SULT1B1: variants seen among roughly 807,000 people sequenced by gnomAD.
SULT1B1 encodes sulfotransferase family 1B member 1, also known as sulfotransferase 1B1.
SULT1B1 carries 28 observed loss-of-function variants against 34.6 expected under a neutral mutation model. The ratio of observed to expected loss-of-function variants is 0.81; its 90% CI spans 0.60 to 1.11. The LOEUF (loss-of-function observed/expected upper bound fraction) is 1.11. Ranked by LOEUF, SULT1B1 falls within the 50% of genes least tolerant of loss-of-function variation. The pLI is 0.00. For missense variants in SULT1B1, 374 were observed against 352.2 expected, an observed-to-expected ratio of 1.06 and a Z score of -0.50; for synonymous variants, 147 against 110.2, an observed-to-expected ratio of 1.33 and a Z score of -2.09.
At chr4:69,748,987 A>G (rs1398958477) in intron 4 of SULT1B1, among the ~76,000 whole-genome samples, 1 of 152,116 alleles carries the variant, frequency 6.6e-6, no homozygotes, top group East Asian at 1.9e-4. Flanking sequence ...AAGTAAGTAG[A>G]TGGAGAGAAA....
intron 1 of SULT1B1, among the ~76,000 whole-genome samples, chr4:69,759,312 G>C (rs1302866875): frequency 6.6e-6 from 1 of 152,178 alleles, no homozygotes; most frequent in African/African-American, 2.4e-5. Context: ...AAAATTTACC[G>C]TAGGCCCAAC....
intron 5 of SULT1B1, 35 bp downstream of exon 5, chr4:69,734,099 TAAAA>T: frequency 6.8e-7 from 1 of 1,465,018 alleles, no homozygotes. Flanking sequence ...ATTATTAAAA[TAAAA>T]AATACTTATC....
At position 69,725,278 on chromosome 4, in the gene SULT1B1, C is replaced by T. The variant is rs1403818460; in HGVS notation, c.*1810G>A. 6.6e-6 allele frequency: 1 copy of T among 152,104 alleles called. No individual in the cohort carries two copies. The highest frequency in any genetic ancestry group is 1.5e-5 in the Non-Finnish European group (1 of 68,026). The allele number at this position is 152,104 out of a possible 1,614,324, so 9.4% of individuals were successfully genotyped here. On this transcript the variant is annotated 3_prime_UTR_variant, in exon 8 of 8. Transcript: ENST00000310613. ...AACAGACACATGAAAAAATGCTCAT[C>T]ATCACTGGCCATCAGGGAAATGCAA... is the stretch of plus-strand genomic sequence containing the variant.
At chr4:69,731,577 T>C (rs951006719) in intron 6 of SULT1B1, among the ~76,000 whole-genome samples, 3 of 152,236 alleles carry the variant, frequency 2.0e-5, no homozygotes, top group African/African-American at 7.2e-5. Context: ...CATAAACATG[T>C]TGTAAATTAC....
Position 69,726,061 on chromosome 4 carries a change from T to C in SULT1B1, c.*1027A>G, listed in dbSNP as rs1426572766. On this transcript the variant is annotated 3_prime_UTR_variant, in exon 8 of 8. Transcript: ENST00000310613. ...ATATATATATATATATATATATATATATATATATATATATATATATAAATG... is the reference window on the plus strand; with the variant it reads ...ATATATATATATATATATATATATACATATATATATATATATATATAAATG... The C allele has an allele frequency of 1.0e-5, 1 of 98,368 alleles. No homozygotes were observed. Among genetic ancestry groups the C allele is most frequent in the Non-Finnish European group, 2.1e-5 (1 of 48,364 alleles). 6.1% of individuals were successfully genotyped at this position (98,368 alleles called of 1,614,324 possible). A position where few individuals can be genotyped will look rare whatever the true frequency, so the allele number is the denominator to read the frequency against.
In SULT1B1 at chr4:69,733,428, A is replaced by G. The variant is rs761820890; in HGVS notation, c.582T>C (p.Tyr194=). 1 of 1,605,328 alleles carries G rather than the reference A, an allele frequency of 6.2e-7. No individual in the cohort carries two copies. Among genetic ancestry groups the G allele is most frequent in the South Asian group, 1.1e-5 (1 of 89,528 alleles). The change falls in exon 6 of 8, where the codon TAT becomes TAC. Residue 194 remains tyrosine (Y), a synonymous_variant. Coordinates refer to ENST00000310613, the MANE Select transcript of SULT1B1 (RefSeq NM_014465.4). ...ACCATTTTACCTCTTTCATATCTTC[A>G]TAGTACAAAAAAAGTATTGGGTGTT... ...KEEHPILFLY[Y]EDMKENPKEE...
At position 69,725,359 on chromosome 4, in the gene SULT1B1, A is replaced by C. The variant is rs1252749791; in HGVS notation, c.*1729T>G. The C allele has an allele frequency of 6.6e-6, 1 of 152,220 alleles. No homozygotes were observed. The highest frequency in any genetic ancestry group is 2.4e-5 in the African/African-American group (1 of 41,452). The allele number at this position is 152,220 out of a possible 1,614,324, so 9.4% of individuals were successfully genotyped here. On this transcript the variant is annotated 3_prime_UTR_variant, in exon 8 of 8. Coordinates refer to ENST00000310613, the MANE Select transcript of SULT1B1 (RefSeq NM_014465.4). ...CCAGTTAGAATGGCAATCATTAAAA[A>C]GTCAGGAAACAACAGGTGCTGGAAA...
intron 1 of SULT1B1, among the ~76,000 whole-genome samples, chr4:69,758,970 T>C (rs938782571): frequency 6.6e-6 from 1 of 152,198 alleles, no homozygotes; most frequent in Non-Finnish European, 1.5e-5. Flanking sequence ...AGAATCAGAA[T>C]CTACATTTTA....
intron 4 of SULT1B1, 21 bp from the exon 5 acceptor site, chr4:69,734,285 A>T: frequency 6.3e-7 from 1 of 1,599,992 alleles, no homozygotes; most frequent in Non-Finnish European, 8.5e-7. Context: ...GGGTGGGGGT[A>T]GGAGAAAAAA....
chr4:69,724,239 A>C lies in SULT1B1; in HGVS notation c.*2849T>G, dbSNP rs1258903414. On this transcript the variant is annotated 3_prime_UTR_variant, in exon 8 of 8. Coordinates refer to ENST00000310613, the MANE Select transcript of SULT1B1 (RefSeq NM_014465.4). ...ATTCTTATACACCAATAACAGACAG[A>C]GAGCCAAATCAGGAGTGAACTCCCA... 6.6e-6 allele frequency: 1 copy of C among 152,240 alleles called. No homozygotes were observed. The highest frequency in any genetic ancestry group is 6.5e-5 in the Admixed American group (1 of 15,286). The allele number at this position is 152,240 out of a possible 1,614,324, so 9.4% of individuals were successfully genotyped here.
rs1324665100 is a variant in SULT1B1 at position 69,722,021 on chromosome 4, T to C, written c.*5067A>G. On this transcript the variant is annotated 3_prime_UTR_variant, in exon 8 of 8. Transcript: ENST00000310613. The stretch of plus-strand genomic sequence containing the variant: ...CTGATTGATTTCAAAGGGTATCAAA[T>C]GTATTTGAATCATAGAAGTGCCACT... 1 of 152,124 alleles carries C rather than the reference T, an allele frequency of 6.6e-6. No individual in the cohort carries two copies. Among genetic ancestry groups the C allele is most frequent in the East Asian group, 1.9e-4 (1 of 5,192 alleles). 9.4% of individuals were successfully genotyped at this position (152,124 alleles called of 1,614,324 possible).
rs1454109038 is a variant in SULT1B1 at position 69,755,249 on chromosome 4, A to T, written c.-32T>A. 6.3e-7 allele frequency: 1 copy of T among 1,599,776 alleles called. No individual in the cohort carries two copies. Among genetic ancestry groups the T allele is most frequent in the Admixed American group, 1.7e-5 (1 of 59,664 alleles). On this transcript the variant is annotated 5_prime_UTR_variant, in exon 2 of 8. Coordinates refer to ENST00000310613, the MANE Select transcript of SULT1B1 (RefSeq NM_014465.4). Reference sequence around the variant, plus strand: ...ACCAGATTGTACAAATATATAATAGATTGACAGTTGTTCTGGAGAAATATA... The same window carrying T: ...ACCAGATTGTACAAATATATAATAGTTTGACAGTTGTTCTGGAGAAATATA...
Position 69,730,611 on chromosome 4 carries a change from C to T in SULT1B1, c.668G>A (p.Arg223Lys). 2 of 1,613,198 alleles carry T rather than the reference C, an allele frequency of 1.2e-6. No individual in the cohort carries two copies. Among genetic ancestry groups the T allele is most frequent in the Non-Finnish European group, 1.7e-6 (2 of 1,179,608 alleles). ...TTCAAATGAGGTGTGATGGATGATCCTATCCAAGATCTCATCATTCAGGTT... is the reference window on the plus strand; with the variant it reads ...TTCAAATGAGGTGTGATGGATGATCTTATCCAAGATCTCATCATTCAGGTT... ...EKNLNDEILDRIIHHTSFEVM... is the reference protein window; with the variant it reads ...EKNLNDEILDKIIHHTSFEVM... The change falls in exon 7 of 8, where the codon AGG (arginine) becomes AAG (lysine). Residue 223 changes from arginine to lysine, a missense_variant. Transcript: ENST00000310613.
At chr4:69,753,407 C>A (rs1560530990) in intron 3 of SULT1B1, among the ~76,000 whole-genome samples, 1 of 152,138 alleles carries the variant, frequency 6.6e-6, no homozygotes, top group South Asian at 2.1e-4. Context: ...CAACAAAAAA[C>A]AAAAACTCTA....
intron 1 of SULT1B1, chr4:69,760,202 G>T: frequency 1.0e-6 from 1 of 983,190 alleles, no homozygotes; most frequent in Non-Finnish European, 1.2e-6. Flanking sequence ...TCTTTAAGTG[G>T]CTTACAGTTT....
intron 1 of SULT1B1, among the ~76,000 whole-genome samples, chr4:69,757,100 A>G (rs1719222545): frequency 6.6e-6 from 1 of 152,004 alleles, no homozygotes; most frequent in African/African-American, 2.4e-5. Flanking sequence ...TTTTTCCACT[A>G]TTTCCACTGA....
At chr4:69,739,111 G>A (rs1394760171) in intron 4 of SULT1B1, among the ~76,000 whole-genome samples, 1 of 152,206 alleles carries the variant, frequency 6.6e-6, no homozygotes, top group African/African-American at 2.4e-5. Context: ...TGTTGAGTGT[G>A]TACAGCTTTT....
In SULT1B1 at chr4:69,727,212, T is replaced by A; in HGVS notation, c.779-12A>T. ...GTCACCAGCCGTCCCTAAAGGTAAA[T>A]AAAAAAACATAGGAAAGAATAAAAT... On this transcript the variant is annotated splice_polypyrimidine_tract_variant and intron_variant, in intron 7 of 7. Transcript: ENST00000310613. 2 of 1,586,300 alleles carry A rather than the reference T, an allele frequency of 1.3e-6. No homozygotes were observed. The highest frequency in any genetic ancestry group is 1.8e-5 in the Admixed American group (1 of 54,830).
rs1486374120 is a variant in SULT1B1 at position 69,723,031 on chromosome 4, C to A, written c.*4057G>T. ...AGCTGGAGTTAAGATCAGAGCATAA[C>A]TGAAGGAGACAAAGACACAAAAACC... On this transcript the variant is annotated 3_prime_UTR_variant, in exon 8 of 8. Transcript: ENST00000310613. 6.6e-6 allele frequency: 1 copy of A among 152,028 alleles called. No homozygotes were observed. Among genetic ancestry groups the A allele is most frequent in the Non-Finnish European group, 1.5e-5 (1 of 68,010 alleles). The allele number at this position is 152,028 out of a possible 1,614,324, so 9.4% of individuals were successfully genotyped here.
Sources: allele counts gnomAD v4.1 joint callset (sites outside exome capture counted in the v4.1 genomes callset), GRCh38; gene constraint gnomAD v4.1.1; transcripts MANE v1.5; gene names NCBI Gene and HGNC (gene_info 2026-07-23, HGNC 2026-07-21).